The following CAST variants were observed in gnomAD, a reference collection of about 807,000 sequenced individuals.
CAST encodes calpastatin.
CAST carries 76 observed loss-of-function variants against 119.6 expected under a neutral mutation model. The observed-to-expected ratio is 0.64, with a 90% CI of 0.53 to 0.77. The LOEUF (loss-of-function observed/expected upper bound fraction) is 0.77, where lower values mean the gene tolerates loss of function less well. CAST is among the 30% of genes least tolerant of loss of function. The pLI is 0.00. For synonymous variants in CAST, 319 were observed against 331.6 expected, an observed-to-expected ratio of 0.96 and a Z score of 0.41; for missense variants, 953 against 946.5, an observed-to-expected ratio of 1.01 and a Z score of -0.09.
chr5:96,296,993 T>G, the CAST span, among the ~76,000 whole-genome samples: 1 of 152,220 alleles, frequency 6.6e-6, no homozygotes, highest in Non-Finnish European at 1.5e-5. Context: ...CTGAATTGTT[T>G]TTATGTCTTC....
intron 25 of CAST, chr5:96,763,073 G>T: frequency 1.3e-6 from 1 of 769,342 alleles, no homozygotes. Flanking sequence ...ATCTCCTTTG[G>T]TTGAGAACAG....
At chr5:96,493,217 A>G in the CAST span, among the ~76,000 whole-genome samples, 1 of 152,098 alleles carries the variant, frequency 6.6e-6, no homozygotes, top group Non-Finnish European at 1.5e-5. Flanking sequence ...ACTCTGATCT[A>G]TTTTTATTTT....
At chr5:96,227,508 G>T in the CAST span, among the ~76,000 whole-genome samples, 2 of 152,074 alleles carry the variant, frequency 1.3e-5, no homozygotes, top group Admixed American at 1.3e-4. Flanking sequence ...TGTCTGGACC[G>T]CTCAGGTTTT....
intron 1 of CAST, among the ~76,000 whole-genome samples, chr5:96,534,739 GAGAAAGAAAGAAAGAAAGAAAGAA>G (rs1207971503): frequency 8.8e-5 from 2 of 22,674 alleles, no homozygotes; most frequent in African/African-American, 2.8e-4. Flanking sequence ...GAGAGAGAGA[GAGAAAGAAAGAAAGAAAGAAAGAA>G]AGAAAGAAAG....
At chr5:96,176,559 GA>G in the CAST span, among the ~76,000 whole-genome samples, 1 of 152,146 alleles carries the variant, frequency 6.6e-6, no homozygotes, top group East Asian at 1.9e-4. Context: ...ATGCAATATG[GA>G]AGCAATTTTT....
At chr5:96,311,287 C>G in the CAST span, among the ~76,000 whole-genome samples, 3 of 151,960 alleles carry the variant, frequency 2.0e-5, no homozygotes. Context: ...CAGAAAGATA[C>G]TTGATATGGT....
At chr5:96,618,591 G>A (rs1747521363) in intron 1 of CAST, among the ~76,000 whole-genome samples, 1 of 152,248 alleles carries the variant, frequency 6.6e-6, no homozygotes, top group South Asian at 2.1e-4. Flanking sequence ...GGGCTTGGCA[G>A]GCCTCGCATT....
the CAST span, among the ~76,000 whole-genome samples, chr5:96,166,537 A>T: frequency 1.3e-5 from 2 of 152,212 alleles, no homozygotes; most frequent in African/African-American, 4.8e-5. Context: ...CAAATAACTG[A>T]TTTAAGTGCT....
the CAST span, among the ~76,000 whole-genome samples, chr5:96,025,293 C>A: frequency 6.6e-6 from 1 of 152,026 alleles, no homozygotes; most frequent in Non-Finnish European, 1.5e-5. Flanking sequence ...TACAGATGAT[C>A]GTCTTCTCTT....
the CAST span, among the ~76,000 whole-genome samples, chr5:96,315,573 G>A: frequency 6.6e-6 from 1 of 152,202 alleles, no homozygotes; most frequent in Non-Finnish European, 1.5e-5. Context: ...GGTCATTTGG[G>A]TCAAAGATGG....
At chr5:96,373,549 C>T in the CAST span, among the ~76,000 whole-genome samples, 4 of 152,136 alleles carry the variant, frequency 2.6e-5, no homozygotes, top group African/African-American at 9.7e-5. Flanking sequence ...CAGAAAATTG[C>T]TTCATATCCT....
the CAST span, among the ~76,000 whole-genome samples, chr5:96,144,779 C>G: frequency 6.6e-6 from 1 of 151,776 alleles, no homozygotes; most frequent in Non-Finnish European, 1.5e-5. Flanking sequence ...CAGGTTCAAG[C>G]GATTATCCTG....
chr5:96,443,774 C>G, the CAST span, among the ~76,000 whole-genome samples: 1 of 152,194 alleles, frequency 6.6e-6, no homozygotes, highest in Non-Finnish European at 1.5e-5. Context: ...CAATTGCCTA[C>G]GCTCTATATC....
At chr5:96,266,253 A>G in the CAST span, among the ~76,000 whole-genome samples, 1 of 152,164 alleles carries the variant, frequency 6.6e-6, no homozygotes, top group African/African-American at 2.4e-5. Context: ...AACAAGAGTG[A>G]TTAAAAATTT....
chr5:96,542,837 G>C (rs962475223), intron 1 of CAST, among the ~76,000 whole-genome samples: 3 of 152,182 alleles, frequency 2.0e-5, no homozygotes, highest in Non-Finnish European at 4.4e-5. Context: ...ACCATGATGA[G>C]ATGCCATCTC....
At chr5:96,678,105 C>A in intron 2 of CAST, among the ~76,000 whole-genome samples, 1 of 152,162 alleles carries the variant, frequency 6.6e-6, no homozygotes, top group East Asian at 1.9e-4. Context: ...TTGTTATCTG[C>A]CCTGCCTACC....
chr5:96,324,622 TG>T, the CAST span, among the ~76,000 whole-genome samples: 2 of 152,220 alleles, frequency 1.3e-5, no homozygotes, highest in African/African-American at 4.8e-5. Context: ...AACATTAATA[TG>T]AATGTATTTT....
At chr5:96,711,713 G>A (rs1378414082) in intron 3 of CAST, among the ~76,000 whole-genome samples, 1 of 152,196 alleles carries the variant, frequency 6.6e-6, no homozygotes, top group Non-Finnish European at 1.5e-5. Context: ...TCAGTAGTTT[G>A]TATCTAAGTA....
chr5:96,271,426 G>C, the CAST span, among the ~76,000 whole-genome samples: 1 of 152,042 alleles, frequency 6.6e-6, no homozygotes, highest in Non-Finnish European at 1.5e-5. Context: ...GAACAGAATA[G>C]AGAACACAGA....
Sources: allele counts gnomAD v4.1 joint callset (sites outside exome capture counted in the v4.1 genomes callset), GRCh38; gene constraint gnomAD v4.1.1; transcripts MANE v1.5; gene names NCBI Gene and HGNC (gene_info 2026-07-23, HGNC 2026-07-21).